Variants in COL4A6 observed in about 807,000 individuals in gnomAD.
COL4A6 encodes collagen alpha-6(IV) chain.
A neutral mutation model predicts 126.7 loss-of-function variants in COL4A6; 59 were observed. That is an observed-to-expected ratio of 0.47 (90% CI 0.38 to 0.58). The LOEUF (loss-of-function observed/expected upper bound fraction) is 0.58. Among genes scored for constraint, COL4A6 ranks in the 20% least tolerant of loss-of-function variants. The probability of loss-of-function intolerance (pLI) is 0.00; values close to 1 mark genes in which losing one functional copy is unlikely to be tolerated. For missense variants in COL4A6, 1,285 were observed against 1,337.3 expected, an observed-to-expected ratio of 0.96 and a Z score of 0.61; for synonymous variants, 547 against 496.6, an observed-to-expected ratio of 1.10 and a Z score of -1.35.
intron 3 of COL4A6, among the ~76,000 whole-genome samples, chrX:108,231,000 G>C (rs1042773627): frequency 1.3e-4 from 15 of 111,815 alleles, no homozygotes; most frequent in Non-Finnish European, 2.6e-4. Context: ...CTATTTTGTG[G>C]CCCAAGAAGT....
intron 23 of COL4A6, among the ~76,000 whole-genome samples, chrX:108,183,369 C>A (rs1478616074): frequency 2.7e-5 from 3 of 111,485 alleles, no homozygotes; most frequent in Non-Finnish European, 3.8e-5. Context: ...TGTGTGGATC[C>A]TTTCAGGTAC....
chrX:108,416,938 G>A (rs1295999326), intron 2 of COL4A6, among the ~76,000 whole-genome samples: 1 of 111,901 alleles, frequency 8.9e-6, no homozygotes, highest in African/African-American at 3.2e-5. Flanking sequence ...GTAATATGAA[G>A]AAGACTTATA....
intron 3 of COL4A6, among the ~76,000 whole-genome samples, chrX:108,229,023 C>T (rs1394978809): frequency 3.6e-5 from 4 of 112,000 alleles, no homozygotes; most frequent in African/African-American, 6.5e-5. Context: ...TGGGAATCAG[C>T]GAATTCTGTA....
At chrX:108,359,931 C>T (rs987539748) in intron 2 of COL4A6, among the ~76,000 whole-genome samples, 1 of 112,097 alleles carries the variant, frequency 8.9e-6, no homozygotes, top group African/African-American at 3.2e-5. Flanking sequence ...TCCAGAATGG[C>T]TATATTCTGA....
At chrX:108,370,677 T>A (rs1271191721) in intron 2 of COL4A6, among the ~76,000 whole-genome samples, 2 of 110,832 alleles carry the variant, frequency 1.8e-5, no homozygotes, top group Non-Finnish European at 3.8e-5. Context: ...TGCAACCCGA[T>A]TTGGTCCACA....
At chrX:108,332,120 C>G (rs989959117) in intron 2 of COL4A6, among the ~76,000 whole-genome samples, 2 of 111,412 alleles carry the variant, frequency 1.8e-5, no homozygotes, top group Admixed American at 1.9e-4. Flanking sequence ...CTTTCTATTT[C>G]TTAGTCATTT....
chrX:108,372,340 C>T (rs745630948), intron 2 of COL4A6, among the ~76,000 whole-genome samples: 1 of 111,402 alleles, frequency 9.0e-6, no homozygotes, highest in South Asian at 3.8e-4. Context: ...AAATCTTTAC[C>T]CTAGCAGAGG....
Position 108,368,702 on chromosome X carries a change from T to C in COL4A6, c.64-57874A>G, listed in dbSNP as rs189161315. ...ACAGCTGTACAAAAATATGTTTTTC[T>C]TTATATTATTCTATAAGTTTTTTTA... On this transcript the variant is annotated intron_variant, in intron 2 of 44. Coordinates refer to ENST00000334504, the MANE Select transcript of COL4A6 (RefSeq NM_033641.4). Among the ~76,000 whole-genome samples, 14 of 112,450 alleles carry C rather than the reference T, an allele frequency of 1.2e-4. No homozygotes were observed. In the East Asian group the frequency reaches 3.8e-3, roughly 31 times the overall value.
intron 14 of COL4A6, among the ~76,000 whole-genome samples, chrX:108,196,010 AT>A (rs1220045223): frequency 1.8e-5 from 2 of 111,539 alleles, no homozygotes; most frequent in African/African-American, 3.3e-5. Context: ...GCTAATAGTT[AT>A]TTTTCCATTT....
At chrX:108,228,315 T>C (rs771165660) in intron 3 of COL4A6, among the ~76,000 whole-genome samples, 1 of 112,383 alleles carries the variant, frequency 8.9e-6, no homozygotes, top group South Asian at 3.7e-4. Flanking sequence ...CTTATAGTTA[T>C]GTTATCCCTT....
At chrX:108,268,032 G>A (rs2037356185) in intron 3 of COL4A6, 1 of 112,094 alleles carries the variant, frequency 8.9e-6, no homozygotes, top group African/African-American at 3.2e-5. Context: ...CTTTTGGTAA[G>A]TGATCAACTT....
chrX:108,200,233 A>T (rs2035348006), intron 13 of COL4A6, among the ~76,000 whole-genome samples: 2 of 112,954 alleles, frequency 1.8e-5, no homozygotes, highest in Admixed American at 1.9e-4. Context: ...AGATTAATTT[A>T]AATGATATAT....
rs2035217173 is a variant in COL4A6, at chrX:108,196,444, G to A, written c.903+67C>T. The A allele has an allele frequency of 7.7e-6, 8 of 1,038,769 alleles. No homozygotes were observed. In the South Asian group the frequency reaches 8.0e-5, roughly 10 times the overall value. The allele number at this position is 1,038,769 out of a possible 1,213,427, so 85.6% of individuals were successfully genotyped here. Reference sequence around the variant, plus strand: ...CAATCAAGTTGCAAAACATAAAGAAGCAAACAGGAAAGAAAATGGACTAGA... The same window carrying A: ...CAATCAAGTTGCAAAACATAAAGAAACAAACAGGAAAGAAAATGGACTAGA... On this transcript the variant is annotated intron_variant, in intron 14 of 44. Transcript: ENST00000334504.
Position 108,437,283 on chromosome X carries a change from C to A in COL4A6, c.63+659G>T, listed in dbSNP as rs749481111. Among the ~76,000 whole-genome samples the A allele has an allele frequency of 2.7e-5, 3 of 112,041 alleles. No individual in the cohort carries two copies. The East Asian group carries it at 8.4e-4, about 31-fold the overall frequency. ...CTTCAGAAATTTCTTTACCTGCAGT[C>A]CCTAGTTGATTTGATAGATGACATC... is the stretch of plus-strand genomic sequence containing the variant. On this transcript the variant is annotated intron_variant, in intron 2 of 44. Transcript: ENST00000334504.
At chrX:108,167,377 C>T (rs2034161121) in intron 37 of COL4A6, among the ~76,000 whole-genome samples, 3 of 111,560 alleles carry the variant, frequency 2.7e-5, no homozygotes, top group South Asian at 7.5e-4. Context: ...TGCTCTGTTG[C>T]CCAGGCTGGT....
chrX:108,248,209 T>G (rs1315112294), intron 3 of COL4A6, among the ~76,000 whole-genome samples: 2 of 111,972 alleles, frequency 1.8e-5, no homozygotes, highest in Non-Finnish European at 3.8e-5. Flanking sequence ...AATGTACTAA[T>G]ATATTAGTAT....
intron 2 of COL4A6, among the ~76,000 whole-genome samples, chrX:108,341,965 T>C (rs2039577690): frequency 8.9e-6 from 1 of 112,225 alleles, no homozygotes; most frequent in Non-Finnish European, 1.9e-5. Flanking sequence ...ACAATGTTAT[T>C]ATCATATCTA....
At position 108,300,111 on chromosome X, in the gene COL4A6, T is replaced by C. The variant is rs148575014; in HGVS notation, c.144+10637A>G. On this transcript the variant is annotated intron_variant, in intron 3 of 44. Transcript: ENST00000334504. ...CACAGAGAAAAGCATCTAATAGTCC[T>C]ACCTCTGGAATCAAGACAGGATCAT... 3.5e-4 allele frequency among the ~76,000 whole-genome samples: 39 copies of C among 110,917 alleles called. 1 individual carries two copies. In the East Asian group the frequency reaches 0.011, roughly 32 times the overall value.
At chrX:108,210,722 CACATAGCCTCAGT>C (rs2035678483) in intron 7 of COL4A6, among the ~76,000 whole-genome samples, 1 of 111,938 alleles carries the variant, frequency 8.9e-6, no homozygotes. Flanking sequence ...TTGAGCAAGT[CACATAGCCTCAGT>C]ACACCTCAGT....
Sources: allele counts gnomAD v4.1 joint callset (sites outside exome capture counted in the v4.1 genomes callset), GRCh38; gene constraint gnomAD v4.1.1; transcripts MANE v1.5; gene names NCBI Gene and HGNC (gene_info 2026-07-23, HGNC 2026-07-21).